The following GLIS3 variants were observed in gnomAD, a reference collection of about 807,000 sequenced individuals.
GLIS3 encodes zinc finger protein GLIS3.
Under a neutral mutation model 78.6 loss-of-function variants are expected in GLIS3, and 53 were observed. The ratio of observed to expected loss-of-function variants is 0.67; its 90% CI spans 0.54 to 0.85. The LOEUF is 0.85. GLIS3 is among the 40% of genes least tolerant of loss of function. The pLI, the probability that GLIS3 is intolerant of heterozygous loss-of-function variation, is 0.00. For synonymous variants in GLIS3, 684 were observed against 509.9 expected, an observed-to-expected ratio of 1.34 and a Z score of -4.60; for missense variants, 1,703 against 1,231.1, an observed-to-expected ratio of 1.38 and a Z score of -5.74.
chr9:4,463,633 C>A, the GLIS3 span, among the ~76,000 whole-genome samples: 2 of 152,038 alleles, frequency 1.3e-5, no homozygotes, highest in Non-Finnish European at 1.5e-5. Context: ...TTATTTTAAC[C>A]CGAATAAACC....
At chr9:3,856,258 A>T (rs962357379) in intron 8 of GLIS3, 74 bp from the exon 9 acceptor site, 44 of 1,301,384 alleles carry the variant, frequency 3.4e-5, no homozygotes, top group Non-Finnish European at 4.8e-5. Flanking sequence ...TCCAAAGCCA[A>T]ATTCTCACCT....
At chr9:3,893,113 A>G (rs1822572823) in intron 7 of GLIS3, among the ~76,000 whole-genome samples, 1 of 152,122 alleles carries the variant, frequency 6.6e-6, no homozygotes, top group Non-Finnish European at 1.5e-5. Flanking sequence ...ACCTTCCGAT[A>G]GGAGAAATAA....
rs16920859 is a variant in GLIS3, at chr9:4,174,378, A to T, written c.389-48437T>A. ...ATACTTTCCAATTCACCGATTTTTT[A>T]AAAAAGTTCCAGGAATCCAGTGACG... On this transcript the variant is annotated intron_variant, in intron 2 of 10. Transcript: ENST00000381971. Among the ~76,000 whole-genome samples the T allele has an allele frequency of 4.4e-3, 671 of 152,332 alleles. 4 individuals are homozygous for T. The highest frequency in any genetic ancestry group is 0.016 in the African/African-American group (645 of 41,566).
At chr9:4,206,655 T>G (rs1041678046) in intron 2 of GLIS3, among the ~76,000 whole-genome samples, 2 of 152,244 alleles carry the variant, frequency 1.3e-5, no homozygotes, top group African/African-American at 4.8e-5. Context: ...ACACCTTAAA[T>G]TCTCAGGTCT....
At chr9:4,192,547 A>T (rs980001815) in intron 2 of GLIS3, among the ~76,000 whole-genome samples, 1 of 152,258 alleles carries the variant, frequency 6.6e-6, no homozygotes, top group Non-Finnish European at 1.5e-5. Flanking sequence ...ACTCACCAAC[A>T]GCTTGGTCAG....
intron 4 of GLIS3, among the ~76,000 whole-genome samples, chr9:4,056,203 T>G (rs1826146101): frequency 6.6e-6 from 1 of 152,204 alleles, no homozygotes; most frequent in Non-Finnish European, 1.5e-5. Context: ...AAGTAGAATT[T>G]CTAATTTATC....
At chr9:4,177,208 G>C (rs1255522459) in intron 2 of GLIS3, among the ~76,000 whole-genome samples, 1 of 152,104 alleles carries the variant, frequency 6.6e-6, no homozygotes, top group African/African-American at 2.4e-5. Context: ...CCCGAGTTCA[G>C]TTTTCTCCAA....
chr9:4,342,073 C>A (rs769159023), intron 2 of GLIS3, among the ~76,000 whole-genome samples: 4 of 152,176 alleles, frequency 2.6e-5, no homozygotes, highest in Admixed American at 2.6e-4. Flanking sequence ...TGGATAGTTT[C>A]TTTTGCTGTG....
chr9:4,118,999 C>G lies in GLIS3; in HGVS notation c.597-118G>C. The G allele has an allele frequency of 9.2e-7, 1 of 1,084,106 alleles. No homozygotes were observed. Among genetic ancestry groups the G allele is most frequent in the Non-Finnish European group, 1.3e-6 (1 of 743,020 alleles). The allele number at this position is 1,084,106 out of a possible 1,614,324, so 67.2% of individuals were successfully genotyped here. A position where few individuals can be genotyped will look rare whatever the true frequency, so the allele number is the denominator to read the frequency against. ...ATCCCTTAAGTATTTCCCCTAATTA[C>G]ATTCTGTGCTAAACACACATTCTTG... On this transcript the variant is annotated intron_variant, in intron 3 of 10. Coordinates refer to ENST00000381971, the MANE Select transcript of GLIS3 (RefSeq NM_001042413.2). This position sits in a 1 kb window ranked among gnomAD's most constrained non-coding sequence, Gnocchi z 4.7.
chr9:4,349,201 C>A (rs1339964245), upstream of GLIS3, among the ~76,000 whole-genome samples: 1 of 152,188 alleles, frequency 6.6e-6, no homozygotes, highest in Non-Finnish European at 1.5e-5. Flanking sequence ...AGCAATCTCT[C>A]CTTTCCACAA....
At chr9:4,485,053 C>T in the GLIS3 span, among the ~76,000 whole-genome samples, 1 of 151,754 alleles carries the variant, frequency 6.6e-6, no homozygotes, top group Non-Finnish European at 1.5e-5. Context: ...TCACTCCCGT[C>T]GACCAGGCTG....
At chr9:3,837,786 C>T (rs987961659) in intron 9 of GLIS3, among the ~76,000 whole-genome samples, 1 of 152,138 alleles carries the variant, frequency 6.6e-6, no homozygotes, top group African/African-American at 2.4e-5. Context: ...GAAGGACGAG[C>T]ACAGAGGTAG....
At chr9:3,992,673 T>A (rs533179404) in intron 4 of GLIS3, among the ~76,000 whole-genome samples, 11 of 152,334 alleles carry the variant, frequency 7.2e-5, no homozygotes, top group African/African-American at 1.9e-4. Context: ...GACAATTTTT[T>A]AAAAATTTTC....
the GLIS3 span, among the ~76,000 whole-genome samples, chr9:4,420,703 A>T: frequency 1.3e-5 from 2 of 152,108 alleles, no homozygotes; most frequent in African/African-American, 4.8e-5. Context: ...GTACTAGTCC[A>T]TTTTTGCATT....
chr9:3,940,947 C>G (rs1437418757), intron 4 of GLIS3, among the ~76,000 whole-genome samples: 1 of 152,158 alleles, frequency 6.6e-6, no homozygotes, highest in African/African-American at 2.4e-5. Flanking sequence ...GAGTGGTTCT[C>G]AAAGATGGGG....
intron 8 of GLIS3, among the ~76,000 whole-genome samples, chr9:3,869,401 A>G (rs976491416): frequency 6.6e-6 from 1 of 152,228 alleles, no homozygotes; most frequent in South Asian, 2.1e-4. Flanking sequence ...CAGACGCTAC[A>G]TATACAAATA....
intron 4 of GLIS3, among the ~76,000 whole-genome samples, chr9:4,072,545 T>C (rs558505474): frequency 1.3e-5 from 2 of 152,334 alleles, no homozygotes; most frequent in Admixed American, 1.3e-4. Context: ...TCCAGCAACA[T>C]TTAAAAATAG....
At chr9:3,945,006 G>T (rs1816196008) in intron 4 of GLIS3, among the ~76,000 whole-genome samples, 5 of 152,202 alleles carry the variant, frequency 3.3e-5, no homozygotes, top group Admixed American at 3.3e-4. Context: ...TCCCACTAGG[G>T]TGAGAACTCG....
chr9:4,064,629 A>G (rs528946485), intron 4 of GLIS3, among the ~76,000 whole-genome samples: 18 of 152,246 alleles, frequency 1.2e-4, no homozygotes, highest in African/African-American at 4.1e-4. Flanking sequence ...GTGTCTACTA[A>G]AAATATTATT....
Sources: gnomAD v4.1 joint callset for allele counts (sites outside exome capture counted in the v4.1 genomes callset) on GRCh38, gnomAD v4.1.1 for gene constraint, Gnocchi (gnomAD v3.1) non-coding constraint, MANE v1.5 for transcripts, NCBI Gene and HGNC (gene_info 2026-07-23, HGNC 2026-07-21) for gene names.